MAP3K15: variants seen among roughly 807,000 people sequenced by gnomAD.
The protein encoded by MAP3K15 is MAPK/ERK kinase kinase 15.
Under a neutral mutation model 99.5 loss-of-function variants are expected in MAP3K15, and 124 were observed. The observed-to-expected ratio is 1.25, with a 90% CI of 1.08 to 1.45. MAP3K15 has a LOEUF of 1.45. MAP3K15 is among the 40% of genes most tolerant of loss of function. The probability of loss-of-function intolerance (pLI) is 0.00; values close to 1 mark genes in which losing one functional copy is unlikely to be tolerated. For missense variants in MAP3K15, 1,242 were observed against 1,079.7 expected (o/e 1.15, Z -2.11); for synonymous variants, 494 against 439.6 (o/e 1.12, Z -1.55).
chrX:19,443,517 C>T lies in MAP3K15; in HGVS notation c.996-11909G>A, dbSNP rs142202980. Among the ~76,000 whole-genome samples, 519 of 112,062 alleles carry T rather than the reference C, an allele frequency of 4.6e-3. 1 individual carries two copies. The highest frequency in any genetic ancestry group is 7.9e-3 in the Non-Finnish European group (421 of 53,178). On this transcript the variant is annotated intron_variant, in intron 6 of 28. Transcript: ENST00000338883. ...GAGTGCTATAAAGGGAAATAGCAAG[C>T]GCTATGAGAATGAGTAACAATAGGA...
intron 20 of MAP3K15, among the ~76,000 whole-genome samples, chrX:19,374,195 A>T (rs887090287): frequency 3.6e-5 from 4 of 109,851 alleles, no homozygotes. Context: ...TTGCCTCCCC[A>T]CTCTCTTCCC....
chrX:19,443,492 G>A (rs2063974781), intron 6 of MAP3K15, among the ~76,000 whole-genome samples: 1 of 112,167 alleles, frequency 8.9e-6, no homozygotes, highest in Admixed American at 9.4e-5. Flanking sequence ...CACAGAAATG[G>A]AGTGCTATAA....
rs2063403744 is a variant in MAP3K15 at position 19,374,524 on chromosome X, C to T, written c.2726G>A (p.Arg909Lys). ...TAELLREGFL[R>K]QVNKGKKNRI... is the part of the protein sequence containing the mutation. ...GTTCTTCTTGCCCTTGTTCACCTGC[C>T]TTAAGAAACCCTCTCTCAGTAGCTC... is the stretch of plus-strand genomic sequence containing the variant. The change falls in exon 20 of 29, where the codon AGG becomes AAG. Residue 909 changes from arginine to lysine, a missense_variant. Physicochemically the swap from Arg to Lys is conservative, Grantham distance 26. Coordinates refer to ENST00000338883, the MANE Select transcript of MAP3K15 (RefSeq NM_001001671.4). The T allele has an allele frequency of 8.3e-7, 1 of 1,209,615 alleles. No homozygotes were observed. Among genetic ancestry groups the T allele is most frequent in the Non-Finnish European group, 1.1e-6 (1 of 895,119 alleles).
chrX:19,493,112 G>A (rs1375954766), intron 1 of MAP3K15, among the ~76,000 whole-genome samples: 1 of 110,611 alleles, frequency 9.0e-6, no homozygotes, highest in Non-Finnish European at 1.9e-5. Context: ...GGGAATAGCG[G>A]AACGGGGCAG....
Position 19,513,563 on chromosome X carries a change from C to G in MAP3K15, c.361+1338G>C, listed in dbSNP as rs745527812. 9.0e-5 allele frequency among the ~76,000 whole-genome samples: 10 copies of G among 111,633 alleles called. No homozygotes were observed. The East Asian group carries it at 1.4e-3, about 16-fold the overall frequency. ...TTGTTTAAACAAGCCTGACTCCCCC[C>G]CTACCCCGCCCTTCCAGCTGGGGAG... is the stretch of plus-strand genomic sequence containing the variant. On this transcript the variant is annotated intron_variant, in intron 1 of 28. Transcript: ENST00000338883.
intron 3 of MAP3K15, among the ~76,000 whole-genome samples, chrX:19,465,826 T>TA (rs2064163965): frequency 1.7e-5 from 1 of 57,880 alleles, no homozygotes; most frequent in Admixed American, 2.2e-4. Context: ...TTCAGGTGTG[T>TA]AGGGGTGTGT....
chrX:19,507,118 G>C (rs943495995), intron 1 of MAP3K15, among the ~76,000 whole-genome samples: 14 of 111,613 alleles, frequency 1.3e-4, no homozygotes, highest in Admixed American at 3.8e-4. Context: ...TCTAGGTAGA[G>C]GCTCTCACTT....
chrX:19,482,371 G>A (rs1230217667), intron 3 of MAP3K15: 2 of 111,150 alleles, frequency 1.8e-5, no homozygotes, highest in Non-Finnish European at 3.8e-5. Context: ...ATAAAATGTG[G>A]AATATCTATA....
At chrX:19,468,923 T>C (rs899764328) in intron 3 of MAP3K15, among the ~76,000 whole-genome samples, 8 of 111,676 alleles carry the variant, frequency 7.2e-5, no homozygotes, top group Non-Finnish European at 1.3e-4. Context: ...CTGTCTGTTA[T>C]TGGCGTATAA....
At chrX:19,475,170 G>A (rs1303341533) in intron 3 of MAP3K15, among the ~76,000 whole-genome samples, 1 of 110,981 alleles carries the variant, frequency 9.0e-6, no homozygotes, top group South Asian at 3.9e-4. Flanking sequence ...GTCCCATCTG[G>A]GAATGATGGG....
chrX:19,361,477 T>C lies in MAP3K15; in HGVS notation c.3780+16A>G. On this transcript the variant is annotated intron_variant, in intron 27 of 28. Coordinates refer to ENST00000338883, the MANE Select transcript of MAP3K15 (RefSeq NM_001001671.4). ...TGTGTAACAACAGCATAAGAATTTCTTTGTTGTAAATTTACCTTTTCAATT... is the reference window on the plus strand; with the variant it reads ...TGTGTAACAACAGCATAAGAATTTCCTTGTTGTAAATTTACCTTTTCAATT... The C allele has an allele frequency of 1.7e-6, 2 of 1,202,609 alleles. No individual in the cohort carries two copies. Among genetic ancestry groups the C allele is most frequent in the African/African-American group, 3.5e-5 (2 of 57,710 alleles).
chrX:19,371,066 TAAAAAAA>T lies in MAP3K15; in HGVS notation c.3295-9_3295-3del. 1.1e-6 allele frequency: 1 copy of T among 905,455 alleles called. No individual in the cohort carries two copies. The highest frequency in any genetic ancestry group is 3.9e-5 in the Admixed American group (1 of 25,708). The allele number at this position is 905,455 out of a possible 1,213,427, so 74.6% of individuals were successfully genotyped here. On this transcript the variant is annotated splice_region_variant and splice_polypyrimidine_tract_variant and intron_variant, in intron 23 of 28. Transcript: ENST00000338883. ...GTGGTTCCTCAAAATTTTATTTACCTAAAAAAAAAAAAAATAATAAAATAAACTAAAA... is the reference window on the plus strand; with the variant it reads ...GTGGTTCCTCAAAATTTTATTTACCTAAAAAAATAATAAAATAAACTAAAA...
At chrX:19,480,396 T>C (rs2064280001) in intron 3 of MAP3K15, among the ~76,000 whole-genome samples, 1 of 111,356 alleles carries the variant, frequency 9.0e-6, no homozygotes, top group African/African-American at 3.3e-5. Context: ...TACAAAGCTA[T>C]AGTAATCAAA....
intron 12 of MAP3K15, 73 bp from the exon 13 acceptor site, chrX:19,407,356 C>G (rs2063655830): frequency 3.6e-6 from 2 of 562,491 alleles, no homozygotes; most frequent in Non-Finnish European, 5.4e-6. Context: ...ACAATCTTTT[C>G]TTCTATTTTA....
intron 25 of MAP3K15, among the ~76,000 whole-genome samples, chrX:19,368,533 T>C (rs1169512852): frequency 8.8e-6 from 1 of 113,062 alleles, no homozygotes; most frequent in Non-Finnish European, 1.9e-5. Context: ...CAGGGTTCCC[T>C]GGTTGGGAAG....
intron 9 of MAP3K15, 54 bp from the exon 10 acceptor site, chrX:19,415,311 T>C (rs2063725159): frequency 2.9e-6 from 3 of 1,025,985 alleles, no homozygotes; most frequent in African/African-American, 1.9e-5. Flanking sequence ...CTGAATTCAA[T>C]TCAAGTCCCT....
chrX:19,385,958 C>T (rs1339161500), intron 18 of MAP3K15, among the ~76,000 whole-genome samples: 1 of 111,807 alleles, frequency 8.9e-6, no homozygotes, highest in Non-Finnish European at 1.9e-5. Flanking sequence ...ACAAGGTAAC[C>T]ATCCACTCTC....
At chrX:19,489,584 T>C (rs2064353192) in intron 1 of MAP3K15, among the ~76,000 whole-genome samples, 1 of 111,153 alleles carries the variant, frequency 9.0e-6, no homozygotes, top group Non-Finnish European at 1.9e-5. Context: ...ATTGGATTAG[T>C]GCACTTATAA....
chrX:19,473,910 T>C (rs1210282248), intron 3 of MAP3K15, among the ~76,000 whole-genome samples: 2 of 112,291 alleles, frequency 1.8e-5, no homozygotes, highest in Admixed American at 1.9e-4. Context: ...TAATACACCA[T>C]CTGGTAAATA....
Sources: gnomAD v4.1 joint callset for allele counts (sites outside exome capture counted in the v4.1 genomes callset) on GRCh38, gnomAD v4.1.1 for gene constraint, MANE v1.5 for transcripts, NCBI Gene and HGNC (gene_info 2026-07-23, HGNC 2026-07-21) for gene names.